The following FBXW8 variants were observed in gnomAD, a reference collection of about 807,000 sequenced individuals.
FBXW8 encodes the protein F-box and WD repeat domain containing 8, also known as F-box/WD repeat-containing protein 8.
In FBXW8, 57 loss-of-function variants were observed where a neutral mutation model predicts 65.3. That is an observed-to-expected ratio of 0.87 (90% confidence interval 0.71 to 1.09). The LOEUF (loss-of-function observed/expected upper bound fraction) is 1.09. Ranked by LOEUF, FBXW8 falls within the 50% of genes least tolerant of loss-of-function variation. The probability of loss-of-function intolerance (pLI) is 0.00; values close to 1 mark genes in which losing one functional copy is unlikely to be tolerated. For missense variants in FBXW8, 777 were observed against 814.8 expected, an observed-to-expected ratio of 0.95 and a Z score of 0.57; for synonymous variants, 308 against 330.2, an observed-to-expected ratio of 0.93 and a Z score of 0.73.
Position 116,911,359 on chromosome 12 carries a change from A to C in FBXW8, c.318+4A>C. ...GGACCAGCTCATCCGCGACCTGGTG[A>C]GTGGCCGTCGCCTCCCCCCCGCCCA... On this transcript the variant is annotated splice_donor_region_variant and intron_variant, in intron 1 of 10. Coordinates refer to ENST00000652555, the MANE Select transcript of FBXW8 (RefSeq NM_153348.3). 2 of 1,274,046 alleles carry C rather than the reference A, an allele frequency of 1.6e-6. No homozygotes were observed. Among genetic ancestry groups the C allele is most frequent in the Non-Finnish European group, 2.0e-6 (2 of 1,013,930 alleles). 78.9% of individuals were successfully genotyped at this position (1,274,046 alleles called of 1,614,324 possible). A position where few individuals can be genotyped will look rare whatever the true frequency, so the allele number is the denominator to read the frequency against.
At chr12:117,016,934 A>C (rs1953965184) in intron 8 of FBXW8, among the ~76,000 whole-genome samples, 1 of 152,334 alleles carries the variant, frequency 6.6e-6, no homozygotes, top group East Asian at 1.9e-4. Flanking sequence ...TTGAAAATCA[A>C]TGGACTGTAA....
intron 2 of FBXW8, among the ~76,000 whole-genome samples, chr12:116,944,195 A>C (rs1231240367): frequency 6.6e-6 from 1 of 152,192 alleles, no homozygotes; most frequent in East Asian, 1.9e-4. Flanking sequence ...TTCTTGGATA[A>C]ATGTTCCTCA....
rs147055273 is a variant in FBXW8 at position 116,921,692 on chromosome 12, G to T, written c.319-6331G>T. ...TACTTTAAAAATGTGTTGCTTTTCT[G>T]TGTCTGTGAAAATATCATGTGCTCA... On this transcript the variant is annotated intron_variant, in intron 1 of 10. Coordinates refer to ENST00000652555, the MANE Select transcript of FBXW8 (RefSeq NM_153348.3). 1.6e-4 allele frequency among the ~76,000 whole-genome samples: 25 copies of T among 152,176 alleles called. No homozygotes were observed. In the East Asian group the frequency reaches 4.8e-3, roughly 29 times the overall value.
At position 116,910,965 on chromosome 12, in the gene FBXW8, A is replaced by G. The variant is rs1879864373; in HGVS notation, c.-73A>G. On this transcript the variant is annotated 5_prime_UTR_variant, in exon 1 of 11. Transcript: ENST00000652555. ...GCAGCGGCTTCCGGCCGCGGCGGAC[A>G]CTTCCCTGGGCGGGACTGTCTCGTG... 2.4e-6 allele frequency: 3 copies of G among 1,274,544 alleles called. No homozygotes were observed. Among genetic ancestry groups the G allele is most frequent in the Non-Finnish European group, 2.0e-6 (2 of 1,006,520 alleles). The allele number at this position is 1,274,544 out of a possible 1,614,324, so 79.0% of individuals were successfully genotyped here. A position where few individuals can be genotyped will look rare whatever the true frequency, so the allele number is the denominator to read the frequency against.
chr12:116,999,259 G>A (rs1953451456), intron 7 of FBXW8, among the ~76,000 whole-genome samples: 1 of 152,216 alleles, frequency 6.6e-6, no homozygotes, highest in South Asian at 2.1e-4. Flanking sequence ...GAGGAAGTGG[G>A]CTGTGTCCAG....
intron 5 of FBXW8, among the ~76,000 whole-genome samples, chr12:116,974,281 C>G (rs1329145771): frequency 6.6e-6 from 1 of 152,202 alleles, no homozygotes; most frequent in Non-Finnish European, 1.5e-5. Flanking sequence ...AGAGGAAATA[C>G]CTGGATCAGG....
intron 7 of FBXW8, among the ~76,000 whole-genome samples, chr12:117,000,935 G>A (rs1230596534): frequency 6.6e-6 from 1 of 152,214 alleles, no homozygotes; most frequent in Non-Finnish European, 1.5e-5. Context: ...TCCACCTAGT[G>A]CCACCTCAGC....
intron 1 of FBXW8, 25 bp downstream of exon 1, chr12:116,911,380 G>T (rs1286953338): frequency 1.2e-5 from 9 of 771,526 alleles, no homozygotes; most frequent in Middle Eastern, 5.8e-4. Flanking sequence ...CCTCCCCCCC[G>T]CCCATGCCTG....
chr12:116,949,186 C>T (rs1883112720), intron 3 of FBXW8: 1 of 164,544 alleles, frequency 6.1e-6, no homozygotes, highest in Non-Finnish European at 1.3e-5. Context: ...TTCTGAGAGT[C>T]CTTATAAGAA....
chr12:117,017,093 T>C (rs1045738854), intron 8 of FBXW8, among the ~76,000 whole-genome samples: 2 of 152,262 alleles, frequency 1.3e-5, no homozygotes, highest in African/African-American at 4.8e-5. Context: ...ATGTCAGGCA[T>C]GTTGAATAGT....
chr12:116,975,241 C>T (rs1042232349), intron 5 of FBXW8, among the ~76,000 whole-genome samples: 3 of 152,144 alleles, frequency 2.0e-5, no homozygotes, highest in Admixed American at 6.5e-5. Flanking sequence ...TGTCTCTGTC[C>T]GTTTGGGCTG....
chr12:117,007,076 A>G (rs1353369283), intron 7 of FBXW8, among the ~76,000 whole-genome samples: 1 of 152,224 alleles, frequency 6.6e-6, no homozygotes, highest in East Asian at 1.9e-4. Flanking sequence ...GTGAGAGATG[A>G]ATATACAGAG....
rs1593034708 is a variant in FBXW8 at position 116,918,062 on chromosome 12, A to G, written c.318+6707A>G. 2.6e-5 allele frequency among the ~76,000 whole-genome samples: 4 copies of G among 152,050 alleles called. No individual in the cohort carries two copies. In the South Asian group the frequency reaches 8.3e-4, roughly 32 times the overall value. ...CCTCATGTTTTATGAAGCTTTTAGT[A>G]ATAGCACTTAGCAGCCATCTCTTTT... On this transcript the variant is annotated intron_variant, in intron 1 of 10. Coordinates refer to ENST00000652555, the MANE Select transcript of FBXW8 (RefSeq NM_153348.3).
intron 7 of FBXW8, among the ~76,000 whole-genome samples, chr12:117,001,868 C>G (rs187334211): frequency 6.6e-6 from 1 of 152,322 alleles, no homozygotes; most frequent in East Asian, 1.9e-4. Context: ...ATTTCTTACC[C>G]TTACACCAGC....
chr12:117,018,031 A>C (rs1370703704), intron 8 of FBXW8, among the ~76,000 whole-genome samples: 5 of 152,164 alleles, frequency 3.3e-5, no homozygotes. Context: ...ATAATAAGTT[A>C]TTCAGAGCTC....
intron 6 of FBXW8, among the ~76,000 whole-genome samples, chr12:116,987,713 A>C (rs1177387595): frequency 6.7e-6 from 1 of 149,706 alleles, no homozygotes; most frequent in Non-Finnish European, 1.5e-5. Context: ...ACAAACAAAA[A>C]ACACAACAAA....
intron 7 of FBXW8, among the ~76,000 whole-genome samples, chr12:116,998,133 T>C (rs560770523): frequency 3.9e-4 from 60 of 152,332 alleles, no homozygotes; most frequent in African/African-American, 1.4e-3. Flanking sequence ...AGAATTGTTT[T>C]AAAAGAATGC....
intron 4 of FBXW8, among the ~76,000 whole-genome samples, chr12:116,954,603 A>G (rs572586145): frequency 2.6e-5 from 4 of 152,358 alleles, no homozygotes; most frequent in Admixed American, 6.5e-5. Flanking sequence ...ATATAAGTAT[A>G]TAAAATAAAG....
intron 8 of FBXW8, among the ~76,000 whole-genome samples, chr12:117,021,362 T>C (rs762547218): frequency 7.2e-5 from 11 of 152,222 alleles, no homozygotes; most frequent in African/African-American, 1.7e-4. Context: ...TTAGCCCTTT[T>C]TGTTGCAAAC....
Sources: allele counts gnomAD v4.1 joint callset (sites outside exome capture counted in the v4.1 genomes callset), GRCh38; gene constraint gnomAD v4.1.1; transcripts MANE v1.5; gene names NCBI Gene and HGNC (gene_info 2026-07-23, HGNC 2026-07-21).